Variants in ZNF708 observed in about 807,000 individuals in gnomAD.
ZNF708 encodes the protein ZNF15, ZNF15L1.
A neutral mutation model predicts 47.0 loss-of-function variants in ZNF708; 44 were observed. That is an observed-to-expected ratio of 0.94 (90% CI 0.74 to 1.20). ZNF708 has a LOEUF of 1.20. Ranked by LOEUF, ZNF708 falls within the 50% of genes most tolerant of loss-of-function variation. The probability of loss-of-function intolerance (pLI) is 0.00; values close to 1 mark genes in which losing one functional copy is unlikely to be tolerated. For missense variants in ZNF708, 557 were observed against 656.0 expected (o/e 0.85, Z 1.65); for synonymous variants, 184 against 218.5 (o/e 0.84, Z 1.39).
intron 1 of ZNF708, among the ~76,000 whole-genome samples, chr19:21,326,697 A>C (rs902964423): frequency 6.6e-6 from 1 of 152,028 alleles, no homozygotes; most frequent in African/African-American, 2.4e-5. Context: ...TTGGGAGGCC[A>C]TGGCGGGTGG....
chr19:21,308,920 A>G (rs1972842250), intron 3 of ZNF708, among the ~76,000 whole-genome samples: 1 of 152,210 alleles, frequency 6.6e-6, no homozygotes, highest in African/African-American at 2.4e-5. Flanking sequence ...AAAATAGTTT[A>G]ACACAGAGTT....
rs570451820 is a variant in ZNF708, at chr19:21,299,186, T to C, written c.227-4447A>G. ...CTGGCCAAGATGGTGAAACCCCGTC[T>C]CTACTAAAAATACAAAAATTAGCCA... On this transcript the variant is annotated intron_variant, in intron 3 of 3. Coordinates refer to ENST00000356929, the MANE Select transcript of ZNF708 (RefSeq NM_021269.3). Among the ~76,000 whole-genome samples, 30 of 152,148 alleles carry C rather than the reference T, an allele frequency of 2.0e-4. 1 individual carries two copies. Among genetic ancestry groups the C allele is most frequent in the African/African-American group, 7.0e-4 (29 of 41,524 alleles).
chr19:21,314,277 C>T (rs570929673), intron 1 of ZNF708, among the ~76,000 whole-genome samples: 3 of 151,984 alleles, frequency 2.0e-5, no homozygotes, highest in Admixed American at 1.3e-4. Context: ...CCAGCGTTTG[C>T]GTAATTTTAA....
At chr19:21,301,456 T>C (rs1000555095) in intron 3 of ZNF708, among the ~76,000 whole-genome samples, 1 of 149,458 alleles carries the variant, frequency 6.7e-6, no homozygotes, top group African/African-American at 2.5e-5. Flanking sequence ...CTACTAAAAA[T>C]ACAAAAAAAA....
intron 3 of ZNF708, among the ~76,000 whole-genome samples, chr19:21,298,193 A>C (rs1972579467): frequency 6.6e-6 from 1 of 152,140 alleles, no homozygotes; most frequent in Non-Finnish European, 1.5e-5. Context: ...TTTCTAACAG[A>C]GGTATAGAGA....
chr19:21,297,975 G>GTT (rs1224532650), intron 3 of ZNF708, among the ~76,000 whole-genome samples: 1 of 151,876 alleles, frequency 6.6e-6, no homozygotes, highest in Non-Finnish European at 1.5e-5. Context: ...GTGTGTGTGT[G>GTT]TGTGTGTGTG....
Position 21,329,386 on chromosome 19 carries a change from G to C in ZNF708, c.-174C>G. 1.0e-6 allele frequency: 1 copy of C among 970,814 alleles called. No homozygotes were observed. Among genetic ancestry groups the C allele is most frequent in the Non-Finnish European group, 1.6e-6 (1 of 642,458 alleles). 60.1% of individuals were successfully genotyped at this position (970,814 alleles called of 1,614,324 possible). On this transcript the variant is annotated 5_prime_UTR_variant, in exon 1 of 4. Transcript: ENST00000356929. Reference sequence around the variant, plus strand: ...CCGCGCCAAACCCGGAAGCCGCCCTGTCCGGTCCAGCTGCGTGTCTGAGTG... The same window carrying C: ...CCGCGCCAAACCCGGAAGCCGCCCTCTCCGGTCCAGCTGCGTGTCTGAGTG...
chr19:21,325,207 T>TA lies in ZNF708; in HGVS notation c.3+4002dup, dbSNP rs1189051358. 8.6e-5 allele frequency among the ~76,000 whole-genome samples: 13 copies of TA among 151,948 alleles called. No homozygotes were observed. The East Asian group carries it at 1.7e-3, about 20-fold the overall frequency. On this transcript the variant is annotated intron_variant, in intron 1 of 3. Transcript: ENST00000356929. Reference sequence around the variant, plus strand: ...ATACCACCATAATTCTTCACAGAATTAAAAAAAATTCTAAAATTCATGTGG... The same window carrying TA: ...ATACCACCATAATTCTTCACAGAATTAAAAAAAAATTCTAAAATTCATGTGG...
Position 21,294,714 on chromosome 19 carries a change from G to A in ZNF708, c.252C>T (p.Asp84=), listed in dbSNP as rs1972494269. The A allele has an allele frequency of 1.3e-6, 2 of 1,595,904 alleles. No individual in the cohort carries two copies. Among genetic ancestry groups the A allele is most frequent in the Non-Finnish European group, 1.7e-6 (2 of 1,172,276 alleles). ...PPAMCSHFAK[D]LRPEQYIKNS... ...TTTTTATATATTGCTCTGGCCTAAG[G>A]TCTTTGGCAAAATGAGAACACATAG... Residue 84 remains aspartate (D), a synonymous_variant, in exon 4 of 4, where the codon GAC becomes GAT. Transcript: ENST00000356929.
At chr19:21,302,782 T>C (rs1032855425) in intron 3 of ZNF708, among the ~76,000 whole-genome samples, 3 of 151,970 alleles carry the variant, frequency 2.0e-5, no homozygotes, top group Non-Finnish European at 4.4e-5. Context: ...AAAGATAATA[T>C]TTATCGAAAG....
At chr19:21,297,264 ATATATATTTTTTTTTTTTTTTTT>A (rs1568345532) in intron 3 of ZNF708, among the ~76,000 whole-genome samples, 1 of 14,000 alleles carries the variant, frequency 7.1e-5, no homozygotes. Flanking sequence ...ATATATATAT[ATATATATTTTTTTTTTTTTTTTT>A]TTTTTTTTTT....
intron 3 of ZNF708, among the ~76,000 whole-genome samples, chr19:21,305,934 TATAAG>T (rs749709321): frequency 5.9e-5 from 9 of 152,142 alleles, no homozygotes; most frequent in Non-Finnish European, 1.0e-4. Flanking sequence ...AACTCTTCTG[TATAAG>T]ATAAAATAAC....
intron 1 of ZNF708, among the ~76,000 whole-genome samples, chr19:21,315,255 A>G (rs1293571566): frequency 6.6e-6 from 1 of 152,210 alleles, no homozygotes; most frequent in Non-Finnish European, 1.5e-5. Context: ...AAAGAGCCAC[A>G]GTCTCAAAGG....
chr19:21,298,602 A>C (rs1359861712), intron 3 of ZNF708, among the ~76,000 whole-genome samples: 1 of 144,952 alleles, frequency 6.9e-6, no homozygotes, highest in Non-Finnish European at 1.5e-5. Context: ...CAAAAAAAGG[A>C]ACAATGTTAG....
At chr19:21,322,807 C>T (rs1216305615) in intron 1 of ZNF708, among the ~76,000 whole-genome samples, 1 of 152,202 alleles carries the variant, frequency 6.6e-6, no homozygotes, top group African/African-American at 2.4e-5. Context: ...TTCTCTAACA[C>T]TAACTCATTG....
chr19:21,329,393 C>G lies in ZNF708; in HGVS notation c.-181G>C, dbSNP rs1193218597. 1 of 866,826 alleles carries G rather than the reference C, an allele frequency of 1.2e-6. No individual in the cohort carries two copies. Among genetic ancestry groups the G allele is most frequent in the Non-Finnish European group, 1.8e-6 (1 of 558,060 alleles). 53.7% of individuals were successfully genotyped at this position (866,826 alleles called of 1,614,324 possible). ...AAACCCGGAAGCCGCCCTGTCCGGT[C>G]CAGCTGCGTGTCTGAGTGAACTGTC... On this transcript the variant is annotated 5_prime_UTR_variant, in exon 1 of 4. Coordinates refer to ENST00000356929, the MANE Select transcript of ZNF708 (RefSeq NM_021269.3).
chr19:21,310,791 T>C (rs1972883715), intron 1 of ZNF708, among the ~76,000 whole-genome samples, 164 bp from the exon 2 acceptor site: 1 of 152,236 alleles, frequency 6.6e-6, no homozygotes, highest in African/African-American at 2.4e-5. Context: ...TTCTCGAATG[T>C]ATTCTCTAAC....
chr19:21,298,968 A>T (rs563999047), intron 3 of ZNF708, among the ~76,000 whole-genome samples: 160 of 152,336 alleles, frequency 1.1e-3, no homozygotes, highest in African/African-American at 3.7e-3. Context: ...AAAGACAGAG[A>T]TTGTATGATA....
chr19:21,326,546 G>A (rs1973258995), intron 1 of ZNF708, among the ~76,000 whole-genome samples: 1 of 152,158 alleles, frequency 6.6e-6, no homozygotes, highest in East Asian at 1.9e-4. Flanking sequence ...TGGACTTTGG[G>A]GATTTGAGGG....
Sources: allele counts gnomAD v4.1 joint callset (sites outside exome capture counted in the v4.1 genomes callset), GRCh38; gene constraint gnomAD v4.1.1; transcripts MANE v1.5; gene names NCBI Gene and HGNC (gene_info 2026-07-23, HGNC 2026-07-21).